Variants in INO80 observed in about 807,000 individuals in gnomAD.
INO80 encodes the protein chromatin-remodeling ATPase INO80.
INO80 carries 20 observed loss-of-function variants against 203.4 expected under a neutral mutation model. The ratio of observed to expected loss-of-function variants is 0.10; its 90% CI spans 0.07 to 0.14. The LOEUF is 0.14. Ranked by LOEUF, INO80 falls within the 10% of genes least tolerant of loss-of-function variation. The pLI, the probability that INO80 is intolerant of heterozygous loss-of-function variation, is 1.00. For synonymous variants in INO80, 726 were observed against 685.2 expected, an observed-to-expected ratio of 1.06 and a Z score of -0.93; for missense variants, 1,419 against 1,914.4, an observed-to-expected ratio of 0.74 and a Z score of 4.83.
At chr15:41,104,318 A>T (rs1356428882) in intron 1 of INO80, among the ~76,000 whole-genome samples, 1 of 152,038 alleles carries the variant, frequency 6.6e-6, no homozygotes, top group Non-Finnish European at 1.5e-5. Flanking sequence ...TTTTTGGAAC[A>T]ATTCTTCATT....
chr15:41,035,278 ATGGCCACAAATTCCT>A (rs1175111970), intron 24 of INO80, among the ~76,000 whole-genome samples: 3 of 152,164 alleles, frequency 2.0e-5, no homozygotes, highest in Non-Finnish European at 1.5e-5. Flanking sequence ...GTAGTTTTAT[ATGGCCACAAATTCCT>A]TGGCCAGGTG....
intron 14 of INO80, among the ~76,000 whole-genome samples, chr15:41,064,969 A>G (rs1012558360): frequency 6.6e-6 from 1 of 152,162 alleles, no homozygotes; most frequent in African/African-American, 2.4e-5. Context: ...ACTGCACTCC[A>G]GCCTGGGAAA....
At chr15:41,043,510 A>G (rs753492534) in intron 24 of INO80, among the ~76,000 whole-genome samples, 6 of 152,232 alleles carry the variant, frequency 3.9e-5, no homozygotes, top group Non-Finnish European at 8.8e-5. Context: ...ACATGAAGCA[A>G]TGCTTAAGAA....
At chr15:41,008,170 C>G (rs989573113) in intron 27 of INO80, among the ~76,000 whole-genome samples, 3 of 151,328 alleles carry the variant, frequency 2.0e-5, no homozygotes, top group Non-Finnish European at 4.4e-5. Context: ...GTGATTGTCT[C>G]AAAATAAACA....
rs371382452 is a variant in INO80, at chr15:40,982,948, C to A, written c.4367G>T (p.Ser1456Ile). Residue 1456 changes from serine to isoleucine, a missense_variant, in exon 35 of 36, where the codon AGT becomes ATT. Physicochemically the swap from Ser to Ile is moderately radical, Grantham distance 142. This residue lies in a region of INO80 where 214 missense variants were observed against 248.9 expected (regional missense o/e 0.86). Coordinates refer to ENST00000648947, the MANE Select transcript of INO80 (RefSeq NM_017553.3). ...KGRSRKSTAG[S>I]AAAMAGAKAG... is the part of the protein sequence containing the mutation. ...TTTGGCTCCTGCCATTGCAGCAGCACTGCCTGCCGTGGACTTTCGGCTCCG... is the reference window on the plus strand; with the variant it reads ...TTTGGCTCCTGCCATTGCAGCAGCAATGCCTGCCGTGGACTTTCGGCTCCG... 1.1e-4 allele frequency: 185 copies of A among 1,614,074 alleles called. 1 individual carries two copies. Among genetic ancestry groups the A allele is most frequent in the South Asian group, 7.4e-4 (67 of 91,088 alleles).
rs757206105 is a variant in INO80 at position 40,980,350 on chromosome 15, C to T, written c.4544G>A (p.Ser1515Asn). The T allele has an allele frequency of 3.7e-6, 6 of 1,613,900 alleles. No homozygotes were observed. The African/African-American group carries it at 5.3e-5, about 14-fold the overall frequency. Residue 1515 changes from serine (S) to asparagine (N), a missense_variant, in exon 36 of 36, where the codon AGT becomes AAT. By Grantham distance (46) the Ser-to-Asn change is conservative. This residue lies in a region of INO80 where 112 missense variants were observed against 106.2 expected (regional missense o/e 1.05). Coordinates refer to ENST00000648947, the MANE Select transcript of INO80 (RefSeq NM_017553.3). ...ATTATTTCCCTTGCTCAAAGGGGAA[C>T]TCAAAGGAGAAGAGGCGCTTGAAGG... is the stretch of plus-strand genomic sequence containing the variant. ...FGPSSASSPLSSPLSKGNNVP... is the reference protein window; with the variant it reads ...FGPSSASSPLNSPLSKGNNVP...
At chr15:41,063,351 T>C (rs1275790413) in intron 14 of INO80, among the ~76,000 whole-genome samples, 1 of 150,114 alleles carries the variant, frequency 6.7e-6, no homozygotes, top group African/African-American at 2.5e-5. Flanking sequence ...AAAATTTTAA[T>C]GTAAAAATAA....
intron 14 of INO80, among the ~76,000 whole-genome samples, chr15:41,069,019 G>A (rs930080544): frequency 6.6e-6 from 1 of 152,306 alleles, no homozygotes; most frequent in South Asian, 2.1e-4. Flanking sequence ...GTTTTCTACC[G>A]TGGCAGTTTG....
At chr15:41,105,974 G>A (rs1461452708) in intron 1 of INO80, among the ~76,000 whole-genome samples, 8 of 152,028 alleles carry the variant, frequency 5.3e-5, no homozygotes, top group Admixed American at 2.0e-4. Context: ...ACTAAGATCC[G>A]GGGCCAGGTG....
chr15:41,015,036 A>T (rs2044183165), intron 27 of INO80, among the ~76,000 whole-genome samples: 2 of 152,212 alleles, frequency 1.3e-5, no homozygotes, highest in African/African-American at 4.8e-5. Context: ...TATTTATATA[A>T]AGACTTATTG....
chr15:41,029,623 T>C (rs151082932), intron 24 of INO80, among the ~76,000 whole-genome samples: 58 of 152,358 alleles, frequency 3.8e-4, no homozygotes, highest in African/African-American at 1.4e-3. Flanking sequence ...CTGACAGCTT[T>C]TCAATAACAT....
intron 26 of INO80, among the ~76,000 whole-genome samples, chr15:41,020,636 C>A (rs2044279311): frequency 1.7e-5 from 1 of 59,728 alleles, no homozygotes; most frequent in Non-Finnish European, 4.5e-5. Context: ...AAGTTTATTT[C>A]TACCTTTTTT....
In INO80 at chr15:41,072,036, G is replaced by C. The variant is rs771890200; in HGVS notation, c.1418C>G (p.Ala473Gly). 1 of 1,578,298 alleles carries C rather than the reference G, an allele frequency of 6.3e-7. No individual in the cohort carries two copies. The highest frequency in any genetic ancestry group is 1.9e-5 in the Admixed American group (1 of 53,090). ...TAGGGCAGCTGCTCGACTTTCTTTTGCATCTTCATCAAATGACCTTGTCTG... is the reference window on the plus strand; with the variant it reads ...TAGGGCAGCTGCTCGACTTTCTTTTCCATCTTCATCAAATGACCTTGTCTG... ...QARTRSFDED[A>G]KESRAAALRA... is the part of the protein sequence containing the mutation. Residue 473 changes from alanine (A) to glycine (G), a missense_variant, in exon 12 of 36, where the codon GCA becomes GGA. Physicochemically the swap from Ala to Gly is moderately conservative, Grantham distance 60. Transcript: ENST00000648947.
intron 31 of INO80, among the ~76,000 whole-genome samples, chr15:40,986,284 T>C (rs2043731415): frequency 6.7e-6 from 1 of 149,044 alleles, no homozygotes. Context: ...ACCTTTAAAA[T>C]ACACACAAAT....
chr15:40,991,144 A>G (rs528722935), intron 29 of INO80, among the ~76,000 whole-genome samples: 150 of 152,332 alleles, frequency 9.8e-4, no homozygotes, highest in Non-Finnish European at 1.4e-3. Flanking sequence ...TTTTGAGCTC[A>G]TGAACAGTAA....
intron 26 of INO80, chr15:41,018,452 G>C (rs1428761920): frequency 6.6e-6 from 1 of 152,222 alleles, no homozygotes; most frequent in Non-Finnish European, 1.5e-5. Context: ...ATGACTAAAG[G>C]AGGCAAGAAG....
chr15:41,109,308 G>A (rs2045926196), intron 1 of INO80: 1 of 151,374 alleles, frequency 6.6e-6, no homozygotes, highest in South Asian at 2.1e-4. Context: ...ACAAAAATTA[G>A]CCAGGCATGG....
Position 41,085,417 on chromosome 15 carries a change from A to G in INO80, c.825T>C (p.Ala275=). Residue 275 remains alanine (A), a synonymous_variant, in exon 7 of 36, where the codon GCT becomes GCC. Transcript: ENST00000648947. The stretch of plus-strand genomic sequence containing the variant: ...TGCTGAGCCATACTTTCCTGCGACG[A>G]GCATTCAGCTGCTCAATGGATAAGT... ...KKHLSIEQLN[A]RRRKVWLSIV... The G allele has an allele frequency of 6.2e-7, 1 of 1,614,162 alleles. No individual in the cohort carries two copies.
At chr15:40,981,813 A>C (rs1893842913) in intron 35 of INO80, among the ~76,000 whole-genome samples, 1 of 152,234 alleles carries the variant, frequency 6.6e-6, no homozygotes, top group Non-Finnish European at 1.5e-5. Context: ...GCTCCTGCCC[A>C]GCAGGCCTCG....
Sources: allele counts gnomAD v4.1 joint callset (sites outside exome capture counted in the v4.1 genomes callset), GRCh38; gene constraint gnomAD v4.1.1; regional missense constraint gnomAD v4.1.1; transcripts MANE v1.5; gene names NCBI Gene and HGNC (gene_info 2026-07-23, HGNC 2026-07-21).